The following COXFA4 variants were observed in gnomAD, a reference collection of about 807,000 sequenced individuals.
The protein encoded by COXFA4 is cytochrome c oxidase subunit FA4.
At chr7:10,933,579 G>C in the COXFA4 span, 2 of 1,367,144 alleles carry the variant, frequency 1.5e-6, no homozygotes, top group Non-Finnish European at 2.1e-6. Context: ...AAAATTGTGC[G>C]GATGTGGCTT....
the COXFA4 span, among the ~76,000 whole-genome samples, chr7:10,937,458 T>C: frequency 6.6e-6 from 1 of 152,036 alleles, no homozygotes; most frequent in Non-Finnish European, 1.5e-5. Context: ...AATTTTTGTA[T>C]TTTTAGTAGA....
At chr7:10,934,637 G>C in the COXFA4 span, among the ~76,000 whole-genome samples, 1 of 152,064 alleles carries the variant, frequency 6.6e-6, no homozygotes, top group Non-Finnish European at 1.5e-5. Flanking sequence ...TAAGCATGAA[G>C]TTCACAAATC....
the COXFA4 span, chr7:10,938,310 T>C: frequency 6.6e-6 from 4 of 607,846 alleles, no homozygotes; most frequent in Non-Finnish European, 1.1e-5. Context: ...TAATAAGCAA[T>C]CTCATGTAAT....
chr7:10,933,236 T>C, the COXFA4 span: 21 of 174,380 alleles, frequency 1.2e-4, no homozygotes, highest in East Asian at 3.5e-3. Flanking sequence ...TGCTGGAGTA[T>C]CCTTCCCAAT....
chr7:10,934,171 G>A, the COXFA4 span, among the ~76,000 whole-genome samples: 1 of 151,952 alleles, frequency 6.6e-6, no homozygotes, highest in East Asian at 1.9e-4. Context: ...ATAAGGTACT[G>A]CTTTGTTTTG....
chr7:10,934,941 C>T, the COXFA4 span, among the ~76,000 whole-genome samples: 11 of 152,288 alleles, frequency 7.2e-5, no homozygotes, highest in African/African-American at 2.4e-4. Flanking sequence ...AACATATTAA[C>T]AAAATATCAG....
chr7:10,933,822 C>T, the COXFA4 span: 1 of 687,260 alleles, frequency 1.5e-6, no homozygotes, highest in African/African-American at 1.8e-5. Flanking sequence ...GAATATTTAA[C>T]AACATAAAAT....
chr7:10,938,836 G>C, the COXFA4 span: 58 of 1,613,322 alleles, frequency 3.6e-5, no homozygotes, highest in Non-Finnish European at 1.8e-5. Flanking sequence ...AATGCCAGAC[G>C]CAAGAGATAC....
At chr7:10,936,992 T>C in the COXFA4 span, among the ~76,000 whole-genome samples, 3 of 152,014 alleles carry the variant, frequency 2.0e-5, no homozygotes, top group African/African-American at 4.8e-5. Flanking sequence ...GCCAAGATAA[T>C]GGCACTGCAC....
chr7:10,934,341 T>C, the COXFA4 span, among the ~76,000 whole-genome samples: 5 of 150,266 alleles, frequency 3.3e-5, no homozygotes, highest in Admixed American at 1.3e-4. Context: ...TCAATTAATA[T>C]TAATTTTTAG....
the COXFA4 span, chr7:10,940,113 C>CT: frequency 6.4e-7 from 1 of 1,570,140 alleles, no homozygotes; most frequent in Non-Finnish European, 8.7e-7. Flanking sequence ...CCACCAGGCC[C>CT]TAAGCTAAAA....
At chr7:10,940,103 C>A in the COXFA4 span, 2 of 1,590,772 alleles carry the variant, frequency 1.3e-6, no homozygotes, top group Non-Finnish European at 1.7e-6. Context: ...ACCGACCTAG[C>A]CACCAGGCCC....
At chr7:10,938,854 C>T in the COXFA4 span, 2 of 1,613,670 alleles carry the variant, frequency 1.2e-6, no homozygotes, top group Non-Finnish European at 1.7e-6. Context: ...TACAGTGTTG[C>T]TCCAGTAGCT....
chr7:10,939,856 A>C, the COXFA4 span: 1 of 829,076 alleles, frequency 1.2e-6, no homozygotes, highest in Non-Finnish European at 2.1e-6. Context: ...AGGGTCACAG[A>C]GGCCTGGGAC....
the COXFA4 span, chr7:10,938,772 C>T: frequency 6.6e-7 from 1 of 1,518,552 alleles, no homozygotes; most frequent in Non-Finnish European, 9.1e-7. Context: ...CTGCCTTGAT[C>T]AGCTATCAAA....
chr7:10,935,593 T>C, the COXFA4 span, among the ~76,000 whole-genome samples: 1 of 152,098 alleles, frequency 6.6e-6, no homozygotes. Flanking sequence ...TGAGAGGTAA[T>C]TAGGTCATGA....
the COXFA4 span, among the ~76,000 whole-genome samples, chr7:10,935,183 C>A: frequency 2.0e-5 from 3 of 152,186 alleles, no homozygotes; most frequent in African/African-American, 7.2e-5. Flanking sequence ...GGCATTGTTG[C>A]CAATTTTCTT....
chr7:10,936,767 T>G, the COXFA4 span, among the ~76,000 whole-genome samples: 1 of 152,166 alleles, frequency 6.6e-6, no homozygotes, highest in Non-Finnish European at 1.5e-5. Flanking sequence ...GCGGGCACAG[T>G]GGCTCACGTC....
At chr7:10,939,049 A>T in the COXFA4 span, 1 of 609,462 alleles carries the variant, frequency 1.6e-6, no homozygotes, top group East Asian at 2.9e-5. Flanking sequence ...TCTTACATTG[A>T]GGTAAGATTT....
Sources: gnomAD v4.1 joint callset for allele counts (sites outside exome capture counted in the v4.1 genomes callset) on GRCh38, gnomAD v4.1.1 for gene constraint, MANE v1.5 for transcripts, NCBI Gene and HGNC (gene_info 2026-07-23, HGNC 2026-07-21) for gene names.